Variants in VWA8 observed in about 807,000 individuals in gnomAD.
VWA8 encodes von Willebrand factor A domain-containing protein 8.
Under a neutral mutation model 241.5 loss-of-function variants are expected in VWA8, and 221 were observed. The observed-to-expected ratio is 0.91, with a 90% CI of 0.82 to 1.02. The LOEUF is 1.02. VWA8 is among the 50% of genes least tolerant of loss of function. The pLI is 0.00. For missense variants in VWA8, 2,322 were observed against 2,328.7 expected, an observed-to-expected ratio of 1.00 and a Z score of 0.06; for synonymous variants, 852 against 827.1, an observed-to-expected ratio of 1.03 and a Z score of -0.52.
chr13:41,640,418 T>G (rs1402652181), intron 37 of VWA8, among the ~76,000 whole-genome samples: 1 of 152,220 alleles, frequency 6.6e-6, no homozygotes, highest in African/African-American at 2.4e-5. Context: ...GCAATGAAAT[T>G]TTTAAGGATA....
At chr13:41,705,320 G>C (rs1229577456) in intron 26 of VWA8, among the ~76,000 whole-genome samples, 1 of 151,824 alleles carries the variant, frequency 6.6e-6, no homozygotes, top group Non-Finnish European at 1.5e-5. Context: ...ACTGAATTAG[G>C]GGAATAAAGG....
In VWA8 at chr13:41,833,378, A is replaced by G. The variant is rs1871558771; in HGVS notation, c.1579T>C (p.Leu527=). Residue 527 remains leucine, a synonymous_variant, in exon 13 of 45, where the codon TTG becomes CTG. Transcript: ENST00000379310. ...HRVNAGTLAV[L]QRLIHDRELS... is the part of the protein sequence containing the mutation. ...TTTGTGACTCATACCCACCTTTGCAATACAGCAAGCGTGCCCGCATTCACC... is the reference window on the plus strand; with the variant it reads ...TTTGTGACTCATACCCACCTTTGCAGTACAGCAAGCGTGCCCGCATTCACC... 1.2e-6 allele frequency: 2 copies of G among 1,609,174 alleles called. No homozygotes were observed. The highest frequency in any genetic ancestry group is 2.7e-5 in the African/African-American group (2 of 74,872).
intron 22 of VWA8, 108 bp from the exon 23 acceptor site, chr13:41,729,785 A>T: frequency 2.2e-6 from 2 of 891,900 alleles, no homozygotes; most frequent in Non-Finnish European, 3.4e-6. Context: ...TTTAAGTTAC[A>T]AGTATACACG....
intron 14 of VWA8, among the ~76,000 whole-genome samples, chr13:41,826,785 G>A (rs776744774): frequency 3.3e-5 from 5 of 152,066 alleles, no homozygotes; most frequent in Non-Finnish European, 7.4e-5. Context: ...AAGGCGGGAG[G>A]ATGGTTTGAG....
chr13:41,818,355 T>C (rs934659878), intron 15 of VWA8, among the ~76,000 whole-genome samples: 1 of 150,022 alleles, frequency 6.7e-6, no homozygotes, highest in African/African-American at 2.4e-5. Flanking sequence ...GTGGATCAAT[T>C]GAGGCCAGGA....
chr13:41,824,946 G>T (rs1185114618), intron 14 of VWA8, among the ~76,000 whole-genome samples: 3 of 151,926 alleles, frequency 2.0e-5, no homozygotes, highest in Non-Finnish European at 4.4e-5. Context: ...AAGGATATAA[G>T]AGTGACTGAC....
intron 21 of VWA8, among the ~76,000 whole-genome samples, chr13:41,751,356 TG>T (rs1240025046): frequency 6.6e-6 from 1 of 152,100 alleles, no homozygotes; most frequent in East Asian, 1.9e-4. Context: ...AAATTTATAA[TG>T]GGGAAGATGA....
chr13:41,643,324 C>T (rs746560924), intron 37 of VWA8, among the ~76,000 whole-genome samples: 4 of 152,192 alleles, frequency 2.6e-5, no homozygotes, highest in Non-Finnish European at 5.9e-5. Flanking sequence ...TGATCCTGAA[C>T]TTTTCCGATC....
chr13:41,576,176 ATTTCT>A (rs1390584494), intron 42 of VWA8, among the ~76,000 whole-genome samples: 1 of 152,188 alleles, frequency 6.6e-6, no homozygotes, highest in African/African-American at 2.4e-5. Context: ...CAATGCAGTT[ATTTCT>A]TTTCATGTAT....
chr13:41,861,056 C>T (rs576873628), intron 12 of VWA8, among the ~76,000 whole-genome samples: 25 of 151,798 alleles, frequency 1.6e-4, no homozygotes, highest in Non-Finnish European at 2.9e-4. Context: ...TTCTTCAAGA[C>T]CTTCTCCATA....
chr13:41,743,917 G>A (rs1478213338), intron 21 of VWA8, among the ~76,000 whole-genome samples: 2 of 152,178 alleles, frequency 1.3e-5, no homozygotes, highest in Non-Finnish European at 2.9e-5. Context: ...CTATACCCCA[G>A]CTACTGCAGC....
Position 41,590,686 on chromosome 13 carries a change from G to C in VWA8, c.5066C>G (p.Thr1689Ser). 6.2e-7 allele frequency: 1 copy of C among 1,614,066 alleles called. No homozygotes were observed. Among genetic ancestry groups the C allele is most frequent in the South Asian group, 1.1e-5 (1 of 91,076 alleles). Reference protein sequence around the residue: ...LDDAKIIDGLTGEKAIYKRRG... With the variant: ...LDDAKIIDGLSGEKAIYKRRG... ...ACGTTTGTAGATGGCTTTTTCTCCA[G>C]TCAGCCCATCAATGATCTTGGCATC... The change falls in exon 41 of 45, where the codon ACT (threonine) becomes AGT (serine). Residue 1689 changes from threonine to serine, a missense_variant. Coordinates refer to ENST00000379310, the MANE Select transcript of VWA8 (RefSeq NM_015058.2).
At chr13:41,572,797 T>TAAAAAAAAAAA (rs869088660) in intron 43 of VWA8, among the ~76,000 whole-genome samples, 35 of 67,658 alleles carry the variant, frequency 5.2e-4, no homozygotes, top group Non-Finnish European at 8.1e-4. Context: ...CAATAAATAC[T>TAAAAAAAAAAA]AAAAAAAAAA....
intron 4 of VWA8, among the ~76,000 whole-genome samples, chr13:41,898,465 G>A (rs1317115940): frequency 6.6e-6 from 1 of 152,244 alleles, no homozygotes; most frequent in African/African-American, 2.4e-5. Context: ...CCCTGAGCTA[G>A]ACATAAAGAC....
chr13:41,818,342 G>T (rs895756067), intron 15 of VWA8, among the ~76,000 whole-genome samples: 1 of 151,038 alleles, frequency 6.6e-6, no homozygotes, highest in South Asian at 2.1e-4. Context: ...AGGCCAAGGG[G>T]GGGTGGATCA....
At chr13:41,842,352 C>T (rs1472882581) in intron 12 of VWA8, among the ~76,000 whole-genome samples, 1 of 152,180 alleles carries the variant, frequency 6.6e-6, no homozygotes, top group African/African-American at 2.4e-5. Flanking sequence ...ATCCTTCTCC[C>T]TCAAGTTCCT....
intron 37 of VWA8, among the ~76,000 whole-genome samples, chr13:41,639,947 A>G (rs7988335): frequency 0.032 from 4,932 of 152,058 alleles, 91 homozygotes; most frequent in South Asian, 0.078. Flanking sequence ...TTGGAGGGGG[A>G]AAAAAAAGAA....
chr13:41,703,202 C>T (rs2045260914), intron 27 of VWA8, 101 bp downstream of exon 27: 2 of 952,820 alleles, frequency 2.1e-6, no homozygotes, highest in East Asian at 2.6e-5. Flanking sequence ...AAAATAACAT[C>T]CGAACAAATC....
chr13:41,839,408 G>C (rs555929878), intron 12 of VWA8, among the ~76,000 whole-genome samples: 1 of 152,252 alleles, frequency 6.6e-6, no homozygotes, highest in South Asian at 2.1e-4. Flanking sequence ...CAGATGGATA[G>C]ATTGCAAAAA....
Sources: allele counts gnomAD v4.1 joint callset (sites outside exome capture counted in the v4.1 genomes callset), GRCh38; gene constraint gnomAD v4.1.1; transcripts MANE v1.5; gene names NCBI Gene and HGNC (gene_info 2026-07-23, HGNC 2026-07-21).